The following MPZL2 variants were observed in gnomAD, a reference collection of about 807,000 sequenced individuals.
MPZL2 encodes myelin protein zero like 2, also known as myelin protein zero-like protein 2.
In MPZL2, 32 loss-of-function variants were observed where a neutral mutation model predicts 24.5. That is an observed-to-expected ratio of 1.31 (90% confidence interval 0.99 to 1.76). MPZL2 has a LOEUF of 1.76. Among genes scored for constraint, MPZL2 ranks in the 40% most tolerant of loss-of-function variants. The pLI is 0.00. For synonymous variants in MPZL2, 92 were observed against 97.9 expected (o/e 0.94, Z 0.36); for missense variants, 304 against 274.9 (o/e 1.11, Z -0.75).
chr11:118,260,352 A>C, intron 3 of MPZL2, 151 bp from the exon 4 acceptor site: 1 of 804,788 alleles, frequency 1.2e-6, no homozygotes, highest in East Asian at 2.7e-5. Flanking sequence ...TGTGAATCCT[A>C]CTAGCAATAG....
chr11:118,257,450 A>C (rs919887148), intron 4 of MPZL2, 137 bp from the exon 5 acceptor site: 3 of 651,902 alleles, frequency 4.6e-6, no homozygotes, highest in African/African-American at 3.6e-5. Flanking sequence ...ATTGAAGTTT[A>C]CACAGAGCTA....
chr11:118,261,346 T>G (rs1401768473), intron 3 of MPZL2, among the ~76,000 whole-genome samples: 43 of 152,204 alleles, frequency 2.8e-4, no homozygotes, highest in Non-Finnish European at 1.2e-4. Context: ...CAGAGAGCAC[T>G]AGGTTGAAAT....
chr11:118,258,625 C>T (rs1104542), intron 4 of MPZL2, among the ~76,000 whole-genome samples: 62,049 of 151,968 alleles, frequency 0.41, 14,870 homozygotes, highest in South Asian at 0.72. Context: ...TATTTGTCCC[C>T]GCCCAAATCT....
intron 5 of MPZL2, among the ~76,000 whole-genome samples, chr11:118,255,601 A>ATTCTT (rs200534358): frequency 6.6e-6 from 1 of 152,038 alleles, no homozygotes; most frequent in African/African-American, 2.4e-5. Flanking sequence ...TCATTAATTC[A>ATTCTT]TTCTTTTCTT....
chr11:118,263,844 T>C (rs767492021), intron 1 of MPZL2, among the ~76,000 whole-genome samples: 14 of 152,082 alleles, frequency 9.2e-5, no homozygotes, highest in Non-Finnish European at 1.5e-4. Context: ...AAAAATGGCA[T>C]GTAACCTGAG....
intron 1 of MPZL2, among the ~76,000 whole-genome samples, chr11:118,263,831 C>A (rs1327506545): frequency 2.6e-5 from 4 of 151,938 alleles, no homozygotes; most frequent in East Asian, 3.9e-4. Context: ...CAGCCACACA[C>A]AAAAAAATGG....
At position 118,262,649 on chromosome 11, in the gene MPZL2, C is replaced by G; in HGVS notation, c.226-1G>C. Reference sequence around the variant, plus strand: ...AGGGATCTATGTGGTAGTAGAATACCTAGAGAGGGGAAATGGCAAAAGGTC... The same window carrying G: ...AGGGATCTATGTGGTAGTAGAATACGTAGAGAGGGGAAATGGCAAAAGGTC... On this transcript the variant is annotated splice_acceptor_variant, in intron 2 of 5. Transcript: ENST00000278937. LOFTEE classifies it high-confidence loss of function. The G allele has an allele frequency of 1.2e-6, 2 of 1,613,308 alleles. No individual in the cohort carries two copies. Among genetic ancestry groups the G allele is most frequent in the South Asian group, 1.1e-5 (1 of 91,000 alleles).
intron 2 of MPZL2, 52 bp from the exon 3 acceptor site, chr11:118,262,700 G>A (rs1158168942): frequency 1.9e-6 from 3 of 1,566,592 alleles, no homozygotes; most frequent in East Asian, 2.3e-5. Flanking sequence ...CAGGCAAGGA[G>A]GCCAAGATGG....
At chr11:118,260,285 A>G in intron 3 of MPZL2, 84 bp from the exon 4 acceptor site, 1 of 1,380,012 alleles carries the variant, frequency 7.2e-7, no homozygotes. Context: ...GATGCATTTA[A>G]TCAATAGATG....
chr11:118,260,953 C>G (rs544759129), intron 3 of MPZL2, among the ~76,000 whole-genome samples: 1 of 152,298 alleles, frequency 6.6e-6, no homozygotes, highest in East Asian at 1.9e-4. Flanking sequence ...GGATTCCCAG[C>G]CTTGACTCCA....
intron 1 of MPZL2, chr11:118,263,352 A>T (rs939273): frequency 0.6 from 261,567 of 434,584 alleles, 80,044 homozygotes; most frequent in South Asian, 0.77. Context: ...CACAGCATTA[A>T]AGCCTCGCCT....
At position 118,260,172 on chromosome 11, in the gene MPZL2, G is replaced by C; in HGVS notation, c.466C>G (p.Leu156Val). The change falls in exon 4 of 6, where the codon CTG (leucine) becomes GTG (valine). Residue 156 changes from leucine (L) to valine (V), a missense_variant. By Grantham distance (32) the Leu-to-Val change is conservative (BLOSUM62 1). Coordinates refer to ENST00000278937, the MANE Select transcript of MPZL2 (RefSeq NM_005797.4). ...AGTGCACAGGCAGAGCCAATGGCCAGAGCCAGGAAGTGGATCTCAGAGAAG... is the reference window on the plus strand; with the variant it reads ...AGTGCACAGGCAGAGCCAATGGCCACAGCCAGGAAGTGGATCTCAGAGAAG... Reference protein sequence around the residue: ...VRFSEIHFLALAIGSACALMI... With the variant: ...VRFSEIHFLAVAIGSACALMI... 1 of 1,614,062 alleles carries C rather than the reference G, an allele frequency of 6.2e-7. No individual in the cohort carries two copies. Among genetic ancestry groups the C allele is most frequent in the Non-Finnish European group, 8.5e-7 (1 of 1,179,954 alleles).
chr11:118,256,250 CAAG>C (rs1307588006), intron 5 of MPZL2, among the ~76,000 whole-genome samples: 1 of 120,792 alleles, frequency 8.3e-6, no homozygotes, highest in Non-Finnish European at 2.0e-5. Context: ...TCATTAATAT[CAAG>C]AACTTTCTTA....
rs531391697 is a variant in MPZL2 at position 118,261,126 on chromosome 11, G to A, written c.437-925C>T. Among the ~76,000 whole-genome samples the A allele has an allele frequency of 2.1e-3, 326 of 152,324 alleles. 2 individuals carry two copies. Among genetic ancestry groups the A allele is most frequent in the African/African-American group, 7.7e-3 (318 of 41,560 alleles). On this transcript the variant is annotated intron_variant, in intron 3 of 5. Coordinates refer to ENST00000278937, the MANE Select transcript of MPZL2 (RefSeq NM_005797.4). ...TATTTAAGAACCACTGATTTTTTGT[G>A]TGTTTAACCTCTTCATTGTGCAGAT...
rs1949651947 is a variant in MPZL2 at position 118,254,888 on chromosome 11, C to A, written c.*358G>T. The A allele has an allele frequency of 6.6e-6, 1 of 152,152 alleles. No individual in the cohort carries two copies. Among genetic ancestry groups the A allele is most frequent in the African/African-American group, 2.4e-5 (1 of 41,424 alleles). 9.4% of individuals were successfully genotyped at this position (152,152 alleles called of 1,614,324 possible). Reference sequence around the variant, plus strand: ...AAGAAATACGTGAAAGGAAATGTAACAGACAAATTGGCTTTTATCCCTTTT... The same window carrying A: ...AAGAAATACGTGAAAGGAAATGTAAAAGACAAATTGGCTTTTATCCCTTTT... On this transcript the variant is annotated 3_prime_UTR_variant, in exon 6 of 6. Coordinates refer to ENST00000278937, the MANE Select transcript of MPZL2 (RefSeq NM_005797.4).
At chr11:118,258,041 A>G (rs1371237059) in intron 4 of MPZL2, among the ~76,000 whole-genome samples, 1 of 152,190 alleles carries the variant, frequency 6.6e-6, no homozygotes, top group African/African-American at 2.4e-5. Flanking sequence ...ATTTCATTAA[A>G]TATTTATTAA....
intron 4 of MPZL2, among the ~76,000 whole-genome samples, chr11:118,257,858 A>T (rs1949671751): frequency 2.0e-5 from 2 of 101,514 alleles, no homozygotes; most frequent in Admixed American, 1.7e-4. Flanking sequence ...TAAAAATACA[A>T]AATTAGCTGG....
Position 118,262,929 on chromosome 11 carries a change from A to G in MPZL2, c.225+2T>C, listed in dbSNP as rs1949711267. The G allele has an allele frequency of 4.3e-6, 7 of 1,613,572 alleles. No homozygotes were observed. The highest frequency in any genetic ancestry group is 5.9e-6 in the Non-Finnish European group (7 of 1,179,802). ...CCTGGAAAATGATGATAATCTACTT[A>G]CAAACTGCTCAGGTCCCCCGTCTAG... On this transcript the variant is annotated splice_donor_variant, in intron 2 of 5. Coordinates refer to ENST00000278937, the MANE Select transcript of MPZL2 (RefSeq NM_005797.4). LOFTEE classifies it high-confidence loss of function.
chr11:118,259,012 T>TAAAAAAA (rs56186946), intron 4 of MPZL2, among the ~76,000 whole-genome samples: 1 of 131,262 alleles, frequency 7.6e-6, no homozygotes, highest in Non-Finnish European at 1.5e-5. Context: ...CGGTTATGAT[T>TAAAAAAA]AAAAAAAAAA....
Sources: gnomAD v4.1 joint callset for allele counts (sites outside exome capture counted in the v4.1 genomes callset) on GRCh38, gnomAD v4.1.1 for gene constraint, MANE v1.5 for transcripts, NCBI Gene and HGNC (gene_info 2026-07-23, HGNC 2026-07-21) for gene names.